Variants in SORBS2 observed in about 807,000 individuals in gnomAD.
SORBS2 encodes the protein sorbin and SH3 domain-containing protein 2.
Under a neutral mutation model 97.7 loss-of-function variants are expected in SORBS2, and 46 were observed. That is an observed-to-expected ratio of 0.47 (90% confidence interval 0.37 to 0.60). The LOEUF is 0.60. Ranked by LOEUF, SORBS2 falls within the 20% of genes least tolerant of loss-of-function variation. The pLI is 0.00. For synonymous variants in SORBS2, 476 were observed against 473.4 expected, an observed-to-expected ratio of 1.01 and a Z score of -0.07; for missense variants, 1,316 against 1,282.3, an observed-to-expected ratio of 1.03 and a Z score of -0.40.
At chr4:185,906,325 G>A (rs567718006) in intron 1 of SORBS2, among the ~76,000 whole-genome samples, 7 of 152,266 alleles carry the variant, frequency 4.6e-5, no homozygotes, top group East Asian at 3.9e-4. Context: ...GAGCCACCAC[G>A]CCTGGCCTGT....
intron 4 of SORBS2, among the ~76,000 whole-genome samples, chr4:185,639,384 T>A (rs921306062): frequency 6.6e-6 from 1 of 152,342 alleles, no homozygotes; most frequent in African/African-American, 2.4e-5. Flanking sequence ...GCCAGTTTTA[T>A]AATTGACCTG....
At chr4:185,609,117 A>C (rs1190014048) in intron 12 of SORBS2, among the ~76,000 whole-genome samples, 1 of 152,106 alleles carries the variant, frequency 6.6e-6, no homozygotes. Flanking sequence ...GTGAGACTGC[A>C]CGTGTGGTTT....
intron 1 of SORBS2, among the ~76,000 whole-genome samples, chr4:185,948,980 A>G (rs988513570): frequency 5.9e-5 from 9 of 152,128 alleles, no homozygotes; most frequent in African/African-American, 2.2e-4. Context: ...AGGATTATCA[A>G]ATGTTTGAAG....
chr4:185,627,570 T>G (rs568047895), intron 5 of SORBS2, among the ~76,000 whole-genome samples: 1 of 152,172 alleles, frequency 6.6e-6, no homozygotes, highest in Non-Finnish European at 1.5e-5. Context: ...GACTGGAAAG[T>G]GTAGAGAGTT....
intron 12 of SORBS2, among the ~76,000 whole-genome samples, chr4:185,603,042 T>G (rs2096302588): frequency 6.6e-6 from 1 of 152,218 alleles, no homozygotes; most frequent in Non-Finnish European, 1.5e-5. Context: ...TGTGAATACC[T>G]CCATTCTCTC....
At chr4:185,612,828 G>A (rs1315115735) in intron 11 of SORBS2, among the ~76,000 whole-genome samples, 2 of 152,126 alleles carry the variant, frequency 1.3e-5, no homozygotes, top group African/African-American at 4.8e-5. Flanking sequence ...AGTAGTGACA[G>A]AGTGAACTAA....
intron 12 of SORBS2, 89 bp from the exon 25 acceptor site, chr4:185,594,024 C>A: frequency 1.2e-6 from 1 of 836,542 alleles, no homozygotes; most frequent in Non-Finnish European, 2.0e-6. Context: ...CTTTTCTTGA[C>A]ATTTAATATT....
At chr4:185,758,023 A>T (rs183164860) in intron 2 of SORBS2, among the ~76,000 whole-genome samples, 23 of 152,308 alleles carry the variant, frequency 1.5e-4, no homozygotes, top group Non-Finnish European at 2.9e-4. Context: ...ACAGGTGCAT[A>T]TATTTTGTTT....
At chr4:185,779,937 G>A (rs952835302) in intron 1 of SORBS2, among the ~76,000 whole-genome samples, 2 of 152,082 alleles carry the variant, frequency 1.3e-5, no homozygotes, top group Admixed American at 6.5e-5. Context: ...AGAAGGGATG[G>A]GGATGAACAG....
intron 4 of SORBS2, among the ~76,000 whole-genome samples, chr4:185,641,527 A>G (rs1464356590): frequency 6.6e-6 from 1 of 152,156 alleles, no homozygotes; most frequent in Non-Finnish European, 1.5e-5. Flanking sequence ...ACACATACAG[A>G]TGGTCAGTCA....
At chr4:185,827,279 T>TCATCAC (rs2099201125) in intron 1 of SORBS2, among the ~76,000 whole-genome samples, 1 of 56,886 alleles carries the variant, frequency 1.8e-5, no homozygotes, top group Non-Finnish European at 3.9e-5. Context: ...ATCATCACCA[T>TCATCAC]CATCATCACC....
rs61910743 is a variant in SORBS2, at chr4:185,623,725, G to T, written c.1404C>A (p.Pro468=). 37 of 1,613,664 alleles carry T rather than the reference G, an allele frequency of 2.3e-5. No individual in the cohort carries two copies. Among genetic ancestry groups the T allele is most frequent in the African/African-American group, 6.7e-5 (5 of 74,886 alleles). Residue 468 remains proline, a synonymous_variant, in exon 7 of 15, where the codon CCC becomes CCA. Transcript: ENST00000418609. The surrounding 1 kb of genome is among the most constrained non-coding windows in gnomAD (Gnocchi z 6.4). ...ACTGGCAGCCTCGCCGGCCCCGAGC[G>T]GGGGGGCCGCTTTGATTTTCTTCCT...
intron 1 of SORBS2, among the ~76,000 whole-genome samples, chr4:185,848,618 CTTT>C (rs537195530): frequency 2.9e-4 from 22 of 75,618 alleles, no homozygotes; most frequent in African/African-American, 5.8e-4. Flanking sequence ...AAGGATATCT[CTTT>C]TTTTTTTTTT....
At chr4:185,923,941 T>C (rs1579516542) in intron 1 of SORBS2, among the ~76,000 whole-genome samples, 1 of 152,164 alleles carries the variant, frequency 6.6e-6, no homozygotes, top group East Asian at 1.9e-4. Context: ...AGACGCTCAA[T>C]CAATAAATGA....
At chr4:185,768,717 A>C (rs868446637) in intron 2 of SORBS2, among the ~76,000 whole-genome samples, 4,352 of 142,864 alleles carry the variant, frequency 0.03, 243 homozygotes, top group African/African-American at 0.1. Flanking sequence ...AAAAACAAAA[A>C]AACAAAAAAA....
chr4:185,791,381 G>T (rs917835472), intron 1 of SORBS2, among the ~76,000 whole-genome samples: 1 of 152,132 alleles, frequency 6.6e-6, no homozygotes, highest in Non-Finnish European at 1.5e-5. Flanking sequence ...TAGACCTTGG[G>T]TGTGGAAGGT....
chr4:185,905,262 T>C (rs2099250135), intron 1 of SORBS2, among the ~76,000 whole-genome samples: 2 of 152,218 alleles, frequency 1.3e-5, no homozygotes, highest in South Asian at 4.1e-4. Context: ...AGTGAGCTCA[T>C]TTTTATATCT....
intron 2 of SORBS2, among the ~76,000 whole-genome samples, chr4:185,682,436 A>G (rs1379134980): frequency 1.3e-5 from 2 of 152,226 alleles, no homozygotes; most frequent in African/African-American, 2.4e-5. Flanking sequence ...TACTTCTTAT[A>G]AAAGGAAAAG....
intron 2 of SORBS2, among the ~76,000 whole-genome samples, chr4:185,694,461 T>C (rs918865364): frequency 1.3e-5 from 2 of 152,108 alleles, no homozygotes; most frequent in African/African-American, 4.8e-5. Flanking sequence ...TTTCAATAGG[T>C]GCTAGGGGAT....
Sources: gnomAD v4.1 joint callset for allele counts (sites outside exome capture counted in the v4.1 genomes callset) on GRCh38, gnomAD v4.1.1 for gene constraint, Gnocchi (gnomAD v3.1) non-coding constraint, MANE v1.5 for transcripts, NCBI Gene and HGNC (gene_info 2026-07-23, HGNC 2026-07-21) for gene names.